Variants in ATP8A2 observed in about 807,000 individuals in gnomAD.
ATP8A2 encodes the protein phospholipid-transporting ATPase IB.
ATP8A2 carries 100 observed loss-of-function variants against 165.6 expected under a neutral mutation model. The ratio of observed to expected loss-of-function variants is 0.60; its 90% CI spans 0.51 to 0.71. The LOEUF is 0.71. Among genes scored for constraint, ATP8A2 ranks in the 30% least tolerant of loss-of-function variants. The probability of loss-of-function intolerance (pLI) is 0.00; values close to 1 mark genes in which losing one functional copy is unlikely to be tolerated. For missense variants in ATP8A2, 1,227 were observed against 1,479.5 expected (o/e 0.83, Z 2.80); for synonymous variants, 543 against 548.8 (o/e 0.99, Z 0.15).
Position 25,801,130 on chromosome 13 carries a change from A to C in ATP8A2, c.2679+26171A>C, listed in dbSNP as rs141019645. ...GAAAAGAAATCTGCCTTATGGAAAG[A>C]GAATGAACATTTGCTGGGTAGAGTT... On this transcript the variant is annotated intron_variant, in intron 27 of 36. Transcript: ENST00000381655. Among the ~76,000 whole-genome samples the C allele has an allele frequency of 1.4e-3, 214 of 152,312 alleles. 1 individual carries two copies. Among genetic ancestry groups the C allele is most frequent in the African/African-American group, 5.0e-3 (209 of 41,574 alleles).
rs1468903116 is a variant in ATP8A2 at position 25,579,940 on chromosome 13, T to C, written c.2000T>C (p.Ile667Thr). 3 of 1,614,014 alleles carry C rather than the reference T, an allele frequency of 1.9e-6. No homozygotes were observed. The highest frequency in any genetic ancestry group is 2.2e-5 in the East Asian group (1 of 44,868). Residue 667 changes from isoleucine (I) to threonine (T), a missense_variant, in exon 22 of 37, where the codon ATT (isoleucine) becomes ACT (threonine). Ile to Thr is a moderately conservative substitution (Grantham distance 89, BLOSUM62 -1). Transcript: ENST00000381655. ...CGGTTGGAAGAGTGTTACGAGATCA[T>C]TGAGAAGGTAACCGCACACAATACA... ...AQRLEECYEI[I>T]EKNLLLLGAT...
chr13:25,665,501 G>A (rs953117425), intron 24 of ATP8A2, among the ~76,000 whole-genome samples: 4 of 151,116 alleles, frequency 2.6e-5, no homozygotes, highest in Non-Finnish European at 5.9e-5. Flanking sequence ...AGAGATGGTA[G>A]GGGCATACTT....
chr13:25,740,959 G>A (rs562196122), intron 25 of ATP8A2, among the ~76,000 whole-genome samples: 7 of 152,232 alleles, frequency 4.6e-5, no homozygotes, highest in African/African-American at 1.7e-4. Flanking sequence ...TTAAACAGGC[G>A]TCTTTAGATA....
chr13:25,638,003 G>T (rs2137548488), intron 24 of ATP8A2, among the ~76,000 whole-genome samples: 1 of 152,300 alleles, frequency 6.6e-6, no homozygotes, highest in East Asian at 1.9e-4. Flanking sequence ...ACAGGGTCTG[G>T]AGTGGACCTC....
intron 2 of ATP8A2, among the ~76,000 whole-genome samples, chr13:25,498,566 A>G (rs942115062): frequency 2.6e-5 from 4 of 152,182 alleles, no homozygotes; most frequent in African/African-American, 9.7e-5. Context: ...GAATTGGCCA[A>G]TGTGGATAAT....
At chr13:25,514,725 G>A (rs2037409344) in intron 2 of ATP8A2, among the ~76,000 whole-genome samples, 1 of 152,104 alleles carries the variant, frequency 6.6e-6, no homozygotes, top group African/African-American at 2.4e-5. Context: ...TCTGTGTATG[G>A]ACTTCAAATA....
At chr13:25,597,942 A>G (rs2040280312) in intron 24 of ATP8A2, among the ~76,000 whole-genome samples, 1 of 151,874 alleles carries the variant, frequency 6.6e-6, no homozygotes, top group Admixed American at 6.6e-5. Flanking sequence ...GTGCTCTCTA[A>G]GAGATATGTA....
chr13:25,731,355 A>AAGAG (rs199754824), intron 25 of ATP8A2, among the ~76,000 whole-genome samples: 1 of 129,454 alleles, frequency 7.7e-6, no homozygotes, highest in African/African-American at 3.1e-5. Context: ...GAAAGAAGGA[A>AAGAG]AGAGAGAGAG....
chr13:25,521,741 CA>C (rs138833515), intron 2 of ATP8A2, among the ~76,000 whole-genome samples: 4,304 of 152,178 alleles, frequency 0.028, 213 homozygotes, highest in African/African-American at 0.098. Flanking sequence ...GATGGGGTCT[CA>C]CAATGTTGCT....
At chr13:25,432,964 G>A (rs774160913) in intron 1 of ATP8A2, among the ~76,000 whole-genome samples, 1 of 152,206 alleles carries the variant, frequency 6.6e-6, no homozygotes, top group African/African-American at 2.4e-5. Context: ...TGTGTGGAAT[G>A]GGGAGTAGTT....
At chr13:25,867,500 C>T (rs936817403) in intron 33 of ATP8A2, among the ~76,000 whole-genome samples, 3 of 152,082 alleles carry the variant, frequency 2.0e-5, no homozygotes, top group Admixed American at 1.3e-4. Context: ...GGAATCCACC[C>T]GAGGGTCAGG....
At chr13:25,638,929 A>G (rs1357194832) in intron 24 of ATP8A2, among the ~76,000 whole-genome samples, 1 of 152,232 alleles carries the variant, frequency 6.6e-6, no homozygotes, top group African/African-American at 2.4e-5. Context: ...TCTACAAGCC[A>G]GAAGAGAGTG....
intron 24 of ATP8A2, among the ~76,000 whole-genome samples, chr13:25,657,700 T>G (rs544308471): frequency 6.6e-6 from 1 of 152,390 alleles, no homozygotes; most frequent in Non-Finnish European, 1.5e-5. Flanking sequence ...AAACAGATAC[T>G]TTTACTCTAG....
In ATP8A2 at chr13:25,968,550, G is replaced by A. The variant is rs201382059; in HGVS notation, c.3273-25G>A. On this transcript the variant is annotated intron_variant, in intron 34 of 36. Transcript: ENST00000381655. ...TGTGTCAAGTCTCTATGCCATGTTC[G>A]TTTTGTCTTTTCCTCATAACACAGA... The A allele has an allele frequency of 1.4e-3, 2,232 of 1,601,932 alleles. 4 individuals are homozygous for A. Among genetic ancestry groups the A allele is most frequent in the Non-Finnish European group, 1.6e-3 (1,819 of 1,171,936 alleles).
chr13:25,591,145 G>GTGTA, intron 24 of ATP8A2: 1 of 398,870 alleles, frequency 2.5e-6, no homozygotes, highest in Non-Finnish European at 5.1e-6. Flanking sequence ...GTGTGTGTGT[G>GTGTA]TGTGTGTGTG....
chr13:25,778,045 A>G (rs1237164902), intron 27 of ATP8A2, among the ~76,000 whole-genome samples: 2 of 152,180 alleles, frequency 1.3e-5, no homozygotes, highest in African/African-American at 4.8e-5. Context: ...CTGACAGTGT[A>G]TTCTGGAGAC....
intron 33 of ATP8A2, among the ~76,000 whole-genome samples, chr13:25,892,822 A>G (rs1953418986): frequency 6.7e-6 from 1 of 149,158 alleles, no homozygotes; most frequent in East Asian, 2.0e-4. Context: ...TTTTTTTCGC[A>G]TCAAAATGAG....
intron 24 of ATP8A2, among the ~76,000 whole-genome samples, chr13:25,620,302 AC>A (rs1383427861): frequency 6.6e-6 from 1 of 152,202 alleles, no homozygotes; most frequent in Non-Finnish European, 1.5e-5. Context: ...GGACCAGAAC[AC>A]AGCAGAATGC....
At chr13:25,551,813 A>T (rs975284030) in intron 11 of ATP8A2, among the ~76,000 whole-genome samples, 1 of 152,068 alleles carries the variant, frequency 6.6e-6, no homozygotes, top group African/African-American at 2.4e-5. Context: ...AATACTAACA[A>T]TTCTAGTCAA....
Sources: gnomAD v4.1 joint callset for allele counts (sites outside exome capture counted in the v4.1 genomes callset) on GRCh38, gnomAD v4.1.1 for gene constraint, MANE v1.5 for transcripts, NCBI Gene and HGNC (gene_info 2026-07-23, HGNC 2026-07-21) for gene names.